DPP10: variants seen among roughly 807,000 people sequenced by gnomAD.
DPP10 encodes inactive dipeptidyl peptidase 10.
A neutral mutation model predicts 120.9 loss-of-function variants in DPP10; 33 were observed. The observed-to-expected ratio is 0.27, with a 90% CI of 0.21 to 0.37. The LOEUF (loss-of-function observed/expected upper bound fraction) is 0.37. Ranked by LOEUF, DPP10 falls within the 10% of genes least tolerant of loss-of-function variation. The probability of loss-of-function intolerance (pLI) is 1.00; values close to 1 mark genes in which losing one functional copy is unlikely to be tolerated. For synonymous variants in DPP10, 337 were observed against 326.1 expected (o/e 1.03, Z -0.36); for missense variants, 816 against 942.8 (o/e 0.87, Z 1.76).
chr2:115,809,578 A>G lies in DPP10; in HGVS notation c.1701-5215A>G, dbSNP rs76973193. Among the ~76,000 whole-genome samples, 1,452 of 152,230 alleles carry G rather than the reference A, an allele frequency of 9.5e-3. 37 individuals carry two copies. Among genetic ancestry groups the G allele is most frequent in the African/African-American group, 0.033 (1,382 of 41,550 alleles). On this transcript the variant is annotated intron_variant, in intron 19 of 25. Transcript: ENST00000410059. ...CTCCTTTCACATTCTTTTTAAATTC[A>G]TAATACCTACAATTAAATTGCAACC... is the stretch of plus-strand genomic sequence containing the variant.
intron 1 of DPP10, among the ~76,000 whole-genome samples, chr2:114,959,933 C>G (rs539390612): frequency 6.6e-6 from 1 of 152,006 alleles, no homozygotes. Context: ...TTTTTATTAT[C>G]AAGTTGTGAG....
At chr2:115,028,489 C>T (rs1703624003) in intron 1 of DPP10, among the ~76,000 whole-genome samples, 1 of 151,924 alleles carries the variant, frequency 6.6e-6, no homozygotes, top group Non-Finnish European at 1.5e-5. Flanking sequence ...TGTTTTGAGT[C>T]TTGTTTTGAG....
chr2:114,574,684 A>G (rs770076901), intron 1 of DPP10, among the ~76,000 whole-genome samples: 5 of 152,176 alleles, frequency 3.3e-5, no homozygotes, highest in Non-Finnish European at 7.3e-5. Flanking sequence ...CGCAACACAA[A>G]ACTGCTACTT....
chr2:115,795,453 C>T (rs980225795), intron 19 of DPP10, among the ~76,000 whole-genome samples: 5 of 152,148 alleles, frequency 3.3e-5, no homozygotes, highest in African/African-American at 1.2e-4. Context: ...CTTGAAATCC[C>T]AAGAAATTCA....
At chr2:115,647,674 G>T (rs1463457358) in intron 5 of DPP10, among the ~76,000 whole-genome samples, 1 of 152,100 alleles carries the variant, frequency 6.6e-6, no homozygotes, top group African/African-American at 2.4e-5. Flanking sequence ...AGTTCTGGGG[G>T]CTGGGAAGTC....
intron 3 of DPP10, among the ~76,000 whole-genome samples, chr2:115,480,059 CG>C (rs1313483137): frequency 6.6e-6 from 1 of 152,038 alleles, no homozygotes; most frequent in African/African-American, 2.4e-5. Flanking sequence ...ATAACCAGGT[CG>C]GGTGTGTGCT....
At chr2:114,701,855 C>T (rs552835829) in intron 1 of DPP10, among the ~76,000 whole-genome samples, 55 of 152,004 alleles carry the variant, frequency 3.6e-4, no homozygotes, top group Admixed American at 7.9e-4. Flanking sequence ...TTGAGGTCAT[C>T]TATGAAAATA....
rs557993919 is a variant in DPP10 at position 114,561,100 on chromosome 2, C to T, written c.60+118262C>T. On this transcript the variant is annotated intron_variant, in intron 1 of 25. Transcript: ENST00000410059. Reference sequence around the variant, plus strand: ...CCTGTCCCTCCACACCAGCTCCGTCCGCTCCTTTAGTTTGGAATATTTCCT... The same window carrying T: ...CCTGTCCCTCCACACCAGCTCCGTCTGCTCCTTTAGTTTGGAATATTTCCT... 4.3e-4 allele frequency among the ~76,000 whole-genome samples: 66 copies of T among 152,296 alleles called. No homozygotes were observed. In the Middle Eastern group the frequency reaches 0.01, roughly 24 times the overall value.
At chr2:115,275,549 GT>G in intron 1 of DPP10, among the ~76,000 whole-genome samples, 1 of 152,064 alleles carries the variant, frequency 6.6e-6, no homozygotes, top group East Asian at 1.9e-4. Context: ...AAGAGAAACA[GT>G]TACTATATAA....
intron 1 of DPP10, among the ~76,000 whole-genome samples, chr2:114,549,624 G>A (rs1335334418): frequency 7.1e-6 from 1 of 141,054 alleles, no homozygotes; most frequent in Non-Finnish European, 1.5e-5. Context: ...TTGTGCCACT[G>A]CACTCCAGCC....
At position 114,687,306 on chromosome 2, in the gene DPP10, A is replaced by G. The variant is rs916172519; in HGVS notation, c.60+244468A>G. Among the ~76,000 whole-genome samples, 6 of 151,920 alleles carry G rather than the reference A, an allele frequency of 3.9e-5. No homozygotes were observed. In the East Asian group the frequency reaches 5.9e-4, roughly 15 times the overall value. On this transcript the variant is annotated intron_variant, in intron 1 of 25. Coordinates refer to ENST00000410059, the MANE Select transcript of DPP10 (RefSeq NM_020868.6). ...AGGAAAGACTCCCTGGGGACTGTAC[A>G]TTTTTCTGTGCTTCTCTAGTGTAGT...
intron 1 of DPP10, among the ~76,000 whole-genome samples, chr2:114,562,721 T>C (rs1233306278): frequency 6.6e-6 from 1 of 152,192 alleles, no homozygotes; most frequent in Non-Finnish European, 1.5e-5. Flanking sequence ...AAGAAGAAGA[T>C]GAATTAAGTA....
chr2:114,958,693 A>G (rs904992277), intron 1 of DPP10, among the ~76,000 whole-genome samples: 9 of 152,164 alleles, frequency 5.9e-5, no homozygotes, highest in African/African-American at 9.7e-5. Context: ...TTTTGATGGT[A>G]TATTATTGAT....
At chr2:114,743,947 G>T (rs1375916347) in intron 1 of DPP10, among the ~76,000 whole-genome samples, 4 of 152,100 alleles carry the variant, frequency 2.6e-5, no homozygotes, top group Admixed American at 1.3e-4. Context: ...TTTATTACAA[G>T]ATCGAAGGTT....
intron 1 of DPP10, among the ~76,000 whole-genome samples, chr2:114,596,815 G>A (rs1691947991): frequency 6.6e-6 from 1 of 151,894 alleles, no homozygotes; most frequent in Non-Finnish European, 1.5e-5. Flanking sequence ...CTACCAATCT[G>A]GGCCTTTTAA....
intron 19 of DPP10, among the ~76,000 whole-genome samples, chr2:115,791,618 G>A (rs1683997775): frequency 6.6e-6 from 1 of 152,136 alleles, no homozygotes; most frequent in African/African-American, 2.4e-5. Context: ...TGATTTGTGG[G>A]TGTCTGCTTA....
intron 7 of DPP10, among the ~76,000 whole-genome samples, chr2:115,715,514 T>G (rs2092465941): frequency 6.6e-6 from 1 of 152,118 alleles, no homozygotes. Context: ...ACTTTCTGCT[T>G]CGCTATATTA....
chr2:115,581,429 G>A (rs139079600), intron 5 of DPP10, among the ~76,000 whole-genome samples: 1 of 152,154 alleles, frequency 6.6e-6, no homozygotes, highest in Non-Finnish European at 1.5e-5. Flanking sequence ...TGATTTTCTC[G>A]AGGTCATACA....
At chr2:115,342,506 G>A (rs1048928132) in intron 2 of DPP10, among the ~76,000 whole-genome samples, 1 of 152,100 alleles carries the variant, frequency 6.6e-6, no homozygotes, top group Non-Finnish European at 1.5e-5. Context: ...GCCCCACTGC[G>A]CCTGGCCTGA....
Sources: gnomAD v4.1 joint callset for allele counts (sites outside exome capture counted in the v4.1 genomes callset) on GRCh38, gnomAD v4.1.1 for gene constraint, MANE v1.5 for transcripts, NCBI Gene and HGNC (gene_info 2026-07-23, HGNC 2026-07-21) for gene names.